Variants in SLC9A9 observed in about 807,000 individuals in gnomAD.
The protein encoded by SLC9A9 is solute carrier family 9 member A9.
A neutral mutation model predicts 77.8 loss-of-function variants in SLC9A9; 62 were observed. The observed-to-expected ratio is 0.80, with a 90% confidence interval of 0.65 to 0.98. The LOEUF (loss-of-function observed/expected upper bound fraction) is 0.98, where lower values mean the gene tolerates loss of function less well. SLC9A9 is among the 50% of genes least tolerant of loss of function. SLC9A9 has a pLI of 0.00. For missense variants in SLC9A9, 775 were observed against 774.9 expected (o/e 1.00, Z 0.00); for synonymous variants, 320 against 283.5 (o/e 1.13, Z -1.29).
At chr3:143,626,701 G>C (rs556238389) in intron 6 of SLC9A9, 28 of 152,030 alleles carry the variant, frequency 1.8e-4, no homozygotes, top group African/African-American at 6.5e-4. Context: ...CACCAACATG[G>C]CACATGTATA....
intron 1 of SLC9A9, among the ~76,000 whole-genome samples, chr3:143,844,843 C>A (rs1243322395): frequency 6.6e-6 from 1 of 150,890 alleles, no homozygotes; most frequent in Non-Finnish European, 1.5e-5. Flanking sequence ...AGTGAAGTGG[C>A]ACAATCATAG....
intron 5 of SLC9A9, among the ~76,000 whole-genome samples, chr3:143,689,540 A>T (rs1411664270): frequency 6.6e-6 from 1 of 152,028 alleles, no homozygotes; most frequent in Admixed American, 6.6e-5. Flanking sequence ...CTATAGCTGG[A>T]ACTACTGGTG....
At chr3:143,748,289 T>G (rs1935246442) in intron 4 of SLC9A9, among the ~76,000 whole-genome samples, 1 of 152,114 alleles carries the variant, frequency 6.6e-6, no homozygotes, top group African/African-American at 2.4e-5. Context: ...GCCTTGTGGC[T>G]AGGTCTGGGC....
intron 4 of SLC9A9, among the ~76,000 whole-genome samples, chr3:143,758,561 C>A (rs1297249075): frequency 6.6e-6 from 1 of 151,976 alleles, no homozygotes; most frequent in African/African-American, 2.4e-5. Flanking sequence ...AAGTTGTTAA[C>A]AGAGAAGAGA....
chr3:143,632,707 A>G (rs2038448056), intron 6 of SLC9A9, among the ~76,000 whole-genome samples: 1 of 152,202 alleles, frequency 6.6e-6, no homozygotes, highest in Admixed American at 6.5e-5. Flanking sequence ...TAAATGATAA[A>G]TTTGAGGTTT....
At chr3:143,805,115 T>A (rs920316540) in intron 2 of SLC9A9, among the ~76,000 whole-genome samples, 4 of 152,230 alleles carry the variant, frequency 2.6e-5, no homozygotes, top group Non-Finnish European at 5.9e-5. Flanking sequence ...CACTCTCTAA[T>A]TGGATGTCCT....
At chr3:143,351,437 C>T (rs997573094) in intron 14 of SLC9A9, among the ~76,000 whole-genome samples, 1 of 152,196 alleles carries the variant, frequency 6.6e-6, no homozygotes, top group Admixed American at 6.5e-5. Context: ...TAGTTCCCAA[C>T]AGGAACACAA....
chr3:143,810,208 A>G (rs1489341569), intron 2 of SLC9A9, among the ~76,000 whole-genome samples: 1 of 152,202 alleles, frequency 6.6e-6, no homozygotes, highest in Non-Finnish European at 1.5e-5. Context: ...AATCAACTTG[A>G]ACACTTCCCA....
At chr3:143,372,402 A>G (rs1053789643) in intron 13 of SLC9A9, among the ~76,000 whole-genome samples, 10 of 152,062 alleles carry the variant, frequency 6.6e-5, no homozygotes, top group African/African-American at 2.4e-4. Context: ...GGTGCTGGGA[A>G]AATTGGATAG....
At chr3:143,479,091 C>T (rs757020733) in intron 11 of SLC9A9, among the ~76,000 whole-genome samples, 6 of 152,156 alleles carry the variant, frequency 3.9e-5, no homozygotes, top group Non-Finnish European at 7.3e-5. Flanking sequence ...CACCTCAATA[C>T]GTAGGACGGT....
intron 4 of SLC9A9, among the ~76,000 whole-genome samples, chr3:143,764,684 A>G (rs1193170249): frequency 1.3e-5 from 2 of 152,254 alleles, no homozygotes; most frequent in South Asian, 2.1e-4. Flanking sequence ...CAGCCTTCCA[A>G]ATAACTGGGA....
chr3:143,721,206 A>C (rs1005647683), intron 4 of SLC9A9, among the ~76,000 whole-genome samples: 2 of 152,154 alleles, frequency 1.3e-5, no homozygotes, highest in African/African-American at 4.8e-5. Flanking sequence ...CCCCCAAAAA[A>C]GTCCACATTA....
At chr3:143,806,983 G>A (rs1394316397) in intron 2 of SLC9A9, among the ~76,000 whole-genome samples, 1 of 152,198 alleles carries the variant, frequency 6.6e-6, no homozygotes, top group Non-Finnish European at 1.5e-5. Context: ...CTCTGGGCCT[G>A]TTTGGGCATT....
chr3:143,841,064 A>G (rs1368731620), intron 1 of SLC9A9, among the ~76,000 whole-genome samples: 1 of 152,222 alleles, frequency 6.6e-6, no homozygotes, highest in African/African-American at 2.4e-5. Context: ...TACATAAGCG[A>G]TAGAGGTGAA....
chr3:143,309,248 G>A (rs2030928180), intron 14 of SLC9A9, among the ~76,000 whole-genome samples: 1 of 152,130 alleles, frequency 6.6e-6, no homozygotes, highest in Admixed American at 6.5e-5. Context: ...AAGGTGGAAT[G>A]ACTTGCCTAG....
intron 5 of SLC9A9, among the ~76,000 whole-genome samples, chr3:143,662,180 A>T (rs1367543122): frequency 6.6e-6 from 1 of 152,200 alleles, no homozygotes; most frequent in Non-Finnish European, 1.5e-5. Context: ...AGTTTCAGAA[A>T]TGTTCTATTG....
intron 14 of SLC9A9, among the ~76,000 whole-genome samples, chr3:143,325,128 A>C (rs767818568): frequency 3.3e-5 from 5 of 150,628 alleles, no homozygotes; most frequent in Admixed American, 2.0e-4. Flanking sequence ...CATAGTAGTG[A>C]GAACAGTTCT....
intron 6 of SLC9A9, among the ~76,000 whole-genome samples, chr3:143,608,824 G>C (rs1035016582): frequency 2.0e-5 from 3 of 152,154 alleles, no homozygotes; most frequent in Non-Finnish European, 4.4e-5. Context: ...GGAAAGAATA[G>C]GGAGGAACAG....
chr3:143,386,026 C>A (rs1264145870), intron 12 of SLC9A9, among the ~76,000 whole-genome samples: 1 of 152,132 alleles, frequency 6.6e-6, no homozygotes, highest in African/African-American at 2.4e-5. Flanking sequence ...TGTGCGATAC[C>A]CTGCCTTCTT....
Sources: gnomAD v4.1 joint callset for allele counts (sites outside exome capture counted in the v4.1 genomes callset) on GRCh38, gnomAD v4.1.1 for gene constraint, MANE v1.5 for transcripts, NCBI Gene and HGNC (gene_info 2026-07-23, HGNC 2026-07-21) for gene names.